The following MTMR3 variants were observed in gnomAD, a reference collection of about 807,000 sequenced individuals.
MTMR3 encodes the protein myotubularin related protein 3, also known as phosphatidylinositol-3,5-bisphosphate 3-phosphatase MTMR3.
In MTMR3, 32 loss-of-function variants were observed where a neutral mutation model predicts 132.4. The observed-to-expected ratio is 0.24, with a 90% confidence interval of 0.18 to 0.32. MTMR3 has a LOEUF of 0.32. Among genes scored for constraint, MTMR3 ranks in the 10% least tolerant of loss-of-function variants. The pLI, the probability that MTMR3 is intolerant of heterozygous loss-of-function variation, is 1.00. For missense variants in MTMR3, 1,216 were observed against 1,489.6 expected (o/e 0.82, Z 3.02); for synonymous variants, 556 against 550.3 (o/e 1.01, Z -0.14).
intron 5 of MTMR3, chr22:29,983,941 ATTTTATTTTAT>A (rs965587677): frequency 5.3e-5 from 8 of 149,616 alleles, no homozygotes; most frequent in African/African-American, 1.3e-4. Flanking sequence ...TCAATTTTTT[ATTTTATTTTAT>A]TTTTATTTTA....
At chr22:29,904,821 TG>T (rs1450697780) in intron 1 of MTMR3, among the ~76,000 whole-genome samples, 3 of 24,262 alleles carry the variant, frequency 1.2e-4, no homozygotes, top group Non-Finnish European at 3.5e-4. Flanking sequence ...GTGTGTGTGT[TG>T]TGTGTGTGTG....
chr22:29,999,720 T>C (rs1281212159), intron 8 of MTMR3: 2 of 152,256 alleles, frequency 1.3e-5, no homozygotes, highest in Non-Finnish European at 2.9e-5. Flanking sequence ...TAAATATTAA[T>C]GTAACCTTTA....
In MTMR3 at chr22:29,963,392, C is replaced by CTT. The variant is rs1204239353; in HGVS notation, c.-85+6320_-85+6321dup. Among the ~76,000 whole-genome samples the CTT allele has an allele frequency of 1.2e-3, 166 of 135,004 alleles. 3 individuals carry two copies. The highest frequency in any genetic ancestry group is 2.1e-3 in the African/African-American group (75 of 36,436). 88.6% of individuals were successfully genotyped at this position (135,004 alleles called of 152,430 possible). A position where few individuals can be genotyped will look rare whatever the true frequency, so the allele number is the denominator to read the frequency against. On this transcript the variant is annotated intron_variant, in intron 2 of 19. Coordinates refer to ENST00000401950, the MANE Select transcript of MTMR3 (RefSeq NM_021090.4). ...GCCACTGTGTCTGGCCACTTAATTC[C>CTT]TTTTTTTTTTTTTTTTTGAGATGAG... is the stretch of plus-strand genomic sequence containing the variant.
chr22:29,909,161 C>T (rs536625132), intron 1 of MTMR3, among the ~76,000 whole-genome samples: 3 of 151,962 alleles, frequency 2.0e-5, no homozygotes, highest in Non-Finnish European at 2.9e-5. Flanking sequence ...TGAGTATTGC[C>T]GTATTGCCCA....
intron 1 of MTMR3, among the ~76,000 whole-genome samples, chr22:29,892,425 C>T (rs571371308): frequency 1.1e-4 from 16 of 152,126 alleles, no homozygotes; most frequent in Non-Finnish European, 2.1e-4. Context: ...GTCCTAGAGA[C>T]TGAGTGAAGG....
At chr22:30,004,501 C>T (rs569451043) in intron 9 of MTMR3, 2 of 152,292 alleles carry the variant, frequency 1.3e-5, no homozygotes, top group Non-Finnish European at 2.9e-5. Context: ...AGAGGGCATG[C>T]ACCTTCTAAA....
chr22:29,922,967 C>A (rs899521010), intron 1 of MTMR3, among the ~76,000 whole-genome samples: 8 of 149,792 alleles, frequency 5.3e-5, no homozygotes, highest in African/African-American at 1.5e-4. Flanking sequence ...GGGCTCATTG[C>A]AGGCTCAATC....
intron 1 of MTMR3, among the ~76,000 whole-genome samples, chr22:29,930,286 G>T (rs546304534): frequency 6.6e-6 from 1 of 152,146 alleles, no homozygotes; most frequent in South Asian, 2.1e-4. Flanking sequence ...TCTCTCTACT[G>T]CTCAGTGAAC....
chr22:30,021,952 C>T, intron 17 of MTMR3, 77 bp from the exon 18 acceptor site: 6 of 1,181,554 alleles, frequency 5.1e-6, no homozygotes, highest in Non-Finnish European at 6.3e-6. Flanking sequence ...CCTCAGTTCT[C>T]CCTTCTTCAC....
intron 1 of MTMR3, among the ~76,000 whole-genome samples, chr22:29,908,276 G>A (rs778633039): frequency 8.5e-5 from 13 of 152,152 alleles, no homozygotes; most frequent in Non-Finnish European, 1.2e-4. Flanking sequence ...TAGAGCTAAG[G>A]GAATATACAT....
chr22:29,953,924 A>G (rs889794465), intron 1 of MTMR3, among the ~76,000 whole-genome samples: 2 of 152,146 alleles, frequency 1.3e-5, no homozygotes, highest in African/African-American at 4.8e-5. Flanking sequence ...TGAATGTTCA[A>G]GGTTACCCAA....
chr22:30,019,691 C>G lies in MTMR3; in HGVS notation c.2032C>G (p.Leu678Val). ...KPTRVPGGAE[L>V]SVAAGVAEGQ... Reference sequence around the variant, plus strand: ...CACCAGAGTGCCGGGGGGTGCCGAGCTTTCTGTTGCAGCCGGAGTAGCTGA... The same window carrying G: ...CACCAGAGTGCCGGGGGGTGCCGAGGTTTCTGTTGCAGCCGGAGTAGCTGA... Residue 678 changes from leucine to valine, a missense_variant, in exon 17 of 20, where the codon CTT (leucine) becomes GTT (valine). Leu to Val is a conservative substitution (Grantham distance 32). Transcript: ENST00000401950. 1.2e-6 allele frequency: 2 copies of G among 1,614,166 alleles called. No individual in the cohort carries two copies. Among genetic ancestry groups the G allele is most frequent in the Non-Finnish European group, 1.7e-6 (2 of 1,180,032 alleles).
intron 1 of MTMR3, among the ~76,000 whole-genome samples, chr22:29,956,044 G>A (rs1282579484): frequency 3.3e-5 from 5 of 152,134 alleles, no homozygotes; most frequent in Non-Finnish European, 5.9e-5. Context: ...GAGCCACCGC[G>A]CCTGGCCTTG....
intron 1 of MTMR3, among the ~76,000 whole-genome samples, chr22:29,892,901 A>G (rs746235097): frequency 2.0e-5 from 3 of 152,212 alleles, no homozygotes; most frequent in Non-Finnish European, 4.4e-5. Context: ...ACTTTCACAT[A>G]TATCTTCTTA....
intron 7 of MTMR3, chr22:29,996,287 G>A (rs998195283): frequency 1.3e-5 from 2 of 152,178 alleles, no homozygotes; most frequent in African/African-American, 2.4e-5. Context: ...CAAAGAACTC[G>A]AAATAACAGA....
At chr22:30,022,447 C>T (rs779089409) in intron 18 of MTMR3, 162 bp from the exon 19 acceptor site, 121 of 658,220 alleles carry the variant, frequency 1.8e-4, no homozygotes, top group Middle Eastern at 4.1e-4. Flanking sequence ...TCCAGGGAAA[C>T]GATTTGGACG....
At chr22:29,934,643 T>G (rs1274119453) in intron 1 of MTMR3, among the ~76,000 whole-genome samples, 1 of 152,212 alleles carries the variant, frequency 6.6e-6, no homozygotes, top group Non-Finnish European at 1.5e-5. Flanking sequence ...AGGGGAAAAC[T>G]AGGGCATGCA....
intron 1 of MTMR3, among the ~76,000 whole-genome samples, chr22:29,884,041 T>C (rs1157864449): frequency 6.6e-6 from 1 of 152,230 alleles, no homozygotes; most frequent in Non-Finnish European, 1.5e-5. Flanking sequence ...AAGATGATAC[T>C]GTAGGTTGTA....
At chr22:29,888,081 G>A (rs954717183) in intron 1 of MTMR3, among the ~76,000 whole-genome samples, 3 of 151,894 alleles carry the variant, frequency 2.0e-5, no homozygotes, top group Non-Finnish European at 2.9e-5. Flanking sequence ...GCAGTGGCAC[G>A]ATCTCGGCTC....
Sources: gnomAD v4.1 joint callset for allele counts (sites outside exome capture counted in the v4.1 genomes callset) on GRCh38, gnomAD v4.1.1 for gene constraint, MANE v1.5 for transcripts, NCBI Gene and HGNC (gene_info 2026-07-23, HGNC 2026-07-21) for gene names.